Variants in AUTS2 observed in about 807,000 individuals in gnomAD.
The protein encoded by AUTS2 is activator of transcription and developmental regulator AUTS2, also known as autism susceptibility gene 2 protein.
AUTS2 carries 17 observed loss-of-function variants against 112.4 expected under a neutral mutation model. The ratio of observed to expected loss-of-function variants is 0.15; its 90% CI spans 0.10 to 0.23. The LOEUF (loss-of-function observed/expected upper bound fraction) is 0.23, where lower values mean the gene tolerates loss of function less well. AUTS2 is among the 10% of genes least tolerant of loss of function. The pLI is 1.00. For missense variants in AUTS2, 1,510 were observed against 1,701.6 expected, an observed-to-expected ratio of 0.89 and a Z score of 1.98; for synonymous variants, 751 against 702.7, an observed-to-expected ratio of 1.07 and a Z score of -1.09.
At chr7:70,750,141 A>G (rs1380066646) in intron 6 of AUTS2, among the ~76,000 whole-genome samples, 3 of 152,104 alleles carry the variant, frequency 2.0e-5, no homozygotes, top group Non-Finnish European at 4.4e-5. Flanking sequence ...GATATCACAG[A>G]CACTTCTTTC....
At chr7:70,693,288 T>C (rs1470396607) in intron 5 of AUTS2, among the ~76,000 whole-genome samples, 1 of 152,208 alleles carries the variant, frequency 6.6e-6, no homozygotes, top group Non-Finnish European at 1.5e-5. Context: ...CTCTAGGGGA[T>C]ACAGACACGA....
chr7:70,121,188 A>G (rs774546143), intron 3 of AUTS2, among the ~76,000 whole-genome samples: 2 of 152,216 alleles, frequency 1.3e-5, no homozygotes, highest in Non-Finnish European at 2.9e-5. Context: ...ACTATGTACA[A>G]AAATAAACTC....
chr7:70,456,699 C>T (rs1796753372), intron 5 of AUTS2, among the ~76,000 whole-genome samples: 1 of 152,244 alleles, frequency 6.6e-6, no homozygotes, highest in Non-Finnish European at 1.5e-5. Context: ...CCATCCCAGC[C>T]TGGCTCCACT....
chr7:70,734,439 C>CA (rs146109756), intron 6 of AUTS2, among the ~76,000 whole-genome samples: 23,251 of 144,366 alleles, frequency 0.16, 2,094 homozygotes, highest in East Asian at 0.38. Flanking sequence ...GAGTCTATCT[C>CA]AAAAAAAAAA....
intron 1 of AUTS2, among the ~76,000 whole-genome samples, chr7:69,761,138 A>G (rs979571469): frequency 2.0e-5 from 3 of 152,188 alleles, no homozygotes; most frequent in Non-Finnish European, 4.4e-5. Flanking sequence ...TTGCAAGGCT[A>G]ATAAATGCAT....
At chr7:70,244,623 G>A (rs1812802011) in intron 4 of AUTS2, among the ~76,000 whole-genome samples, 2 of 152,172 alleles carry the variant, frequency 1.3e-5, no homozygotes, top group Non-Finnish European at 2.9e-5. Context: ...AGGAATGGAT[G>A]TCAGGTGAAT....
intron 1 of AUTS2, among the ~76,000 whole-genome samples, chr7:69,659,457 T>C (rs1795685637): frequency 6.6e-6 from 1 of 151,920 alleles, no homozygotes; most frequent in Admixed American, 6.6e-5. Flanking sequence ...AGCAATTTTT[T>C]TTTTTTTTTT....
At chr7:69,737,722 C>T (rs1787094046) in intron 1 of AUTS2, among the ~76,000 whole-genome samples, 1 of 152,154 alleles carries the variant, frequency 6.6e-6, no homozygotes, top group Non-Finnish European at 1.5e-5. Flanking sequence ...TCTTGTTTTG[C>T]TCATCCATCC....
At chr7:70,126,964 T>C (rs1806006818) in intron 3 of AUTS2, among the ~76,000 whole-genome samples, 1 of 152,038 alleles carries the variant, frequency 6.6e-6, no homozygotes, top group Admixed American at 6.6e-5. Context: ...GTAGCTGAGA[T>C]TACAGGCATA....
At chr7:70,361,461 CTTG>C (rs1329153324) in intron 4 of AUTS2, among the ~76,000 whole-genome samples, 4 of 152,124 alleles carry the variant, frequency 2.6e-5, no homozygotes, top group South Asian at 2.1e-4. Context: ...TCTTTAAGCA[CTTG>C]TTGTGATCTC....
intron 2 of AUTS2, among the ~76,000 whole-genome samples, chr7:69,972,959 TAAC>T (rs1563006318): frequency 6.6e-6 from 1 of 152,184 alleles, no homozygotes. Flanking sequence ...AATTTTATAA[TAAC>T]CTCATCTGTG....
intron 5 of AUTS2, among the ~76,000 whole-genome samples, chr7:70,543,369 A>G (rs1308032023): frequency 6.6e-6 from 1 of 151,868 alleles, no homozygotes; most frequent in Non-Finnish European, 1.5e-5. Flanking sequence ...AGGCACCTAT[A>G]ATCCCAGCTA....
chr7:70,143,857 T>C (rs1806989264), intron 4 of AUTS2, among the ~76,000 whole-genome samples: 1 of 152,184 alleles, frequency 6.6e-6, no homozygotes. Flanking sequence ...CGTAGTGGCC[T>C]CTGATTTTAA....
intron 1 of AUTS2, among the ~76,000 whole-genome samples, chr7:69,626,866 T>TA (rs1793977089): frequency 6.6e-6 from 1 of 152,228 alleles, no homozygotes; most frequent in African/African-American, 2.4e-5. Flanking sequence ...ATCTGACAGC[T>TA]AAATAGCCTG....
chr7:70,276,292 ACTTT>A (rs1787925791), intron 4 of AUTS2, among the ~76,000 whole-genome samples: 1 of 152,018 alleles, frequency 6.6e-6, no homozygotes, highest in Non-Finnish European at 1.5e-5. Flanking sequence ...ATACAACAAA[ACTTT>A]CTTATTTGCA....
At chr7:70,178,726 G>A (rs571618613) in intron 4 of AUTS2, among the ~76,000 whole-genome samples, 2 of 152,232 alleles carry the variant, frequency 1.3e-5, no homozygotes, top group South Asian at 4.2e-4. Flanking sequence ...CTTGAACCCA[G>A]TAGATGGAGG....
chr7:69,973,560 C>T (rs1374040107), intron 2 of AUTS2, among the ~76,000 whole-genome samples: 1 of 152,082 alleles, frequency 6.6e-6, no homozygotes, highest in Non-Finnish European at 1.5e-5. Context: ...ACAATGTTAG[C>T]TGTAGGATTT....
intron 3 of AUTS2, among the ~76,000 whole-genome samples, chr7:70,122,805 C>G (rs950489005): frequency 4.7e-5 from 7 of 148,760 alleles, no homozygotes; most frequent in African/African-American, 1.2e-4. Context: ...ATGTGCAGGT[C>G]TGAGGTTGCA....
chr7:70,775,135 G>T, intron 12 of AUTS2: 1 of 571,204 alleles, frequency 1.8e-6, no homozygotes, highest in Non-Finnish European at 3.1e-6. Context: ...CTTGTACAGG[G>T]GCTTGTCAGC....
Sources: gnomAD v4.1 joint callset for allele counts (sites outside exome capture counted in the v4.1 genomes callset) on GRCh38, gnomAD v4.1.1 for gene constraint, MANE v1.5 for transcripts, NCBI Gene and HGNC (gene_info 2026-07-23, HGNC 2026-07-21) for gene names.